The following RFX4 variants were observed in gnomAD, a reference collection of about 807,000 sequenced individuals.
RFX4 encodes transcription factor RFX4.
RFX4 carries 10 observed loss-of-function variants against 95.0 expected under a neutral mutation model. The observed-to-expected ratio is 0.11, with a 90% CI of 0.06 to 0.18. The LOEUF (loss-of-function observed/expected upper bound fraction) is 0.18, where lower values mean the gene tolerates loss of function less well. Ranked by LOEUF, RFX4 falls within the 10% of genes least tolerant of loss-of-function variation. The pLI is 1.00. For missense variants in RFX4, 640 were observed against 922.0 expected (o/e 0.69, Z 3.96); for synonymous variants, 321 against 340.7 (o/e 0.94, Z 0.64).
chr12:106,712,811 G>C (rs2042217258), intron 10 of RFX4, among the ~76,000 whole-genome samples: 1 of 152,198 alleles, frequency 6.6e-6, no homozygotes, highest in Non-Finnish European at 1.5e-5. Context: ...TATTTCTGAG[G>C]ATGCATGCCA....
At chr12:106,750,831 T>C in intron 17 of RFX4, 38 bp downstream of exon 17, 1 of 1,490,952 alleles carries the variant, frequency 6.7e-7, no homozygotes, top group Admixed American at 2.3e-5. Flanking sequence ...CAGGCCTTGG[T>C]ATACTTGGTG....
chr12:106,711,101 T>G (rs1440313887), intron 9 of RFX4, among the ~76,000 whole-genome samples: 1 of 152,230 alleles, frequency 6.6e-6, no homozygotes, highest in Non-Finnish European at 1.5e-5. Flanking sequence ...CCTGCAATTA[T>G]TTACGGGGAG....
chr12:106,681,972 G>A, intron 4 of RFX4, 21 bp from the exon 5 acceptor site: 1 of 1,614,006 alleles, frequency 6.2e-7, no homozygotes, highest in East Asian at 2.2e-5. Flanking sequence ...ATGGGTAACT[G>A]ATTCTTGTGT....
chr12:106,586,946 C>T lies in RFX4; in HGVS notation c.43+3583C>T, dbSNP rs1196003890. ...TCCGAGCCTTGCTCCAGCGCCCAAACCAGACAGTCTCGCCCTCCCCGGGCG... is the reference window on the plus strand; with the variant it reads ...TCCGAGCCTTGCTCCAGCGCCCAAATCAGACAGTCTCGCCCTCCCCGGGCG... On this transcript the variant is annotated intron_variant, in intron 1 of 17. Transcript: ENST00000392842. This position sits in a 1 kb window ranked among gnomAD's most constrained non-coding sequence, Gnocchi z 5.6. 6.6e-6 allele frequency among the ~76,000 whole-genome samples: 1 copy of T among 152,208 alleles called. No homozygotes were observed. The highest frequency in any genetic ancestry group is 1.5e-5 in the Non-Finnish European group (1 of 68,034).
intron 4 of RFX4, among the ~76,000 whole-genome samples, chr12:106,673,667 C>T (rs1426831774): frequency 2.0e-5 from 3 of 152,124 alleles, no homozygotes; most frequent in Admixed American, 1.3e-4. Context: ...GAAACTATCA[C>T]GAGGAGGAAA....
chr12:106,588,121 A>AT lies in RFX4; in HGVS notation c.43+4759dup, dbSNP rs1489417900. On this transcript the variant is annotated intron_variant, in intron 1 of 17. Transcript: ENST00000392842. ...AGCAATATATGAGCTGGTTACCACT[A>AT]TCTGAAATATGACCCACTGCACAAT... Among the ~76,000 whole-genome samples the AT allele has an allele frequency of 2.6e-5, 4 of 152,216 alleles. No individual in the cohort carries two copies. The East Asian group carries it at 7.7e-4, about 29-fold the overall frequency.
At chr12:106,675,307 T>C (rs1194909169) in intron 4 of RFX4, among the ~76,000 whole-genome samples, 1 of 152,130 alleles carries the variant, frequency 6.6e-6, no homozygotes, top group Non-Finnish European at 1.5e-5. Flanking sequence ...GGTGTATGCC[T>C]GTAATCGCAG....
At position 106,686,421 on chromosome 12, in the gene RFX4, A is replaced by G. The variant is rs1346722613; in HGVS notation, c.378-463A>G. On this transcript the variant is annotated intron_variant, in intron 5 of 17. Transcript: ENST00000392842. Reference sequence around the variant, plus strand: ...AGCGAGACTCTGTCTCAAAAAAAAAAAAAAAGAAAAAGAAAGAAAAAAGAA... The same window carrying G: ...AGCGAGACTCTGTCTCAAAAAAAAAGAAAAAGAAAAAGAAAGAAAAAAGAA... Among the ~76,000 whole-genome samples, 4 of 151,944 alleles carry G rather than the reference A, an allele frequency of 2.6e-5. 1 individual carries two copies. The highest frequency in any genetic ancestry group is 1.3e-4 in the Admixed American group (2 of 15,262).
chr12:106,727,910 C>T (rs1046406676), intron 13 of RFX4, among the ~76,000 whole-genome samples: 6 of 152,200 alleles, frequency 3.9e-5, no homozygotes, highest in African/African-American at 4.8e-5. Context: ...TGAGCCACCG[C>T]GCCCGGCCCT....
At chr12:106,657,110 G>A (rs900159802) in intron 4 of RFX4, among the ~76,000 whole-genome samples, 1 of 152,174 alleles carries the variant, frequency 6.6e-6, no homozygotes, top group African/African-American at 2.4e-5. Flanking sequence ...CTTTCCTGAG[G>A]ACTCCAGCAT....
At chr12:106,588,721 A>T (rs762986699) in intron 1 of RFX4, among the ~76,000 whole-genome samples, 4 of 152,200 alleles carry the variant, frequency 2.6e-5, no homozygotes, top group Admixed American at 1.3e-4. Context: ...CCTCTCAATT[A>T]TATGCCTGTG....
intron 4 of RFX4, among the ~76,000 whole-genome samples, chr12:106,666,426 C>A (rs888251394): frequency 6.6e-6 from 1 of 151,980 alleles, no homozygotes; most frequent in African/African-American, 2.4e-5. Flanking sequence ...GTTCTCTTAG[C>A]TTTCTGAATC....
rs201207625 is a variant in RFX4 at position 106,687,062 on chromosome 12, G to A, written c.556G>A (p.Asp186Asn). The change falls in exon 6 of 18, where the codon GAT becomes AAT. Residue 186 changes from aspartate to asparagine, a missense_variant. Transcript: ENST00000392842. ...GCTGCCAGAATTTCCCAATGTCAAA[G>A]ATCTAAATCTGCCAGCCAGCCTGCC... ...TLLPEFPNVK[D>N]LNLPASLPEE... The A allele has an allele frequency of 3.1e-6, 5 of 1,613,864 alleles. No homozygotes were observed. In the East Asian group the frequency reaches 1.1e-4, roughly 36 times the overall value.
At chr12:106,629,333 T>C (rs1446235679) in intron 2 of RFX4, among the ~76,000 whole-genome samples, 2 of 152,198 alleles carry the variant, frequency 1.3e-5, no homozygotes, top group Non-Finnish European at 2.9e-5. Flanking sequence ...TGTGTATGCA[T>C]CGTTTCGGAT....
intron 1 of RFX4, among the ~76,000 whole-genome samples, chr12:106,596,769 C>T (rs958392140): frequency 6.6e-6 from 1 of 152,200 alleles, no homozygotes; most frequent in Non-Finnish European, 1.5e-5. Flanking sequence ...GGAGCTTTTC[C>T]TTTTTCAAGA....
chr12:106,591,300 C>A (rs1156402928), intron 1 of RFX4, among the ~76,000 whole-genome samples: 1 of 118,332 alleles, frequency 8.5e-6, no homozygotes, highest in Admixed American at 1.1e-4. Context: ...CGGAGTCTTG[C>A]ACTGTCACCC....
At position 106,637,962 on chromosome 12, in the gene RFX4, CTTA is replaced by C. The variant is rs1366198305; in HGVS notation, c.131-1366_131-1364del. On this transcript the variant is annotated intron_variant, in intron 2 of 17. Transcript: ENST00000392842. ...CACCCCCAAAATTAATTTAATTCTT[CTTA>C]TTAATAGACATATATTACAAATATT... is the stretch of plus-strand genomic sequence containing the variant. Among the ~76,000 whole-genome samples the C allele has an allele frequency of 2.6e-5, 4 of 151,996 alleles. No homozygotes were observed. The South Asian group carries it at 6.2e-4, about 24-fold the overall frequency.
chr12:106,732,006 A>G, intron 13 of RFX4, 124 bp from the exon 14 acceptor site: 5 of 1,366,610 alleles, frequency 3.7e-6, no homozygotes, highest in Non-Finnish European at 5.0e-6. Flanking sequence ...ATCATAATTG[A>G]GTGGAAAATT....
Position 106,720,328 on chromosome 12 carries a change from AT to A in RFX4, c.1233+276del. ...TGCTGCTACAAACAAAACAAAAACC[AT>A]TGCTCCATAGCATTGACTTTGAAGA... is the stretch of plus-strand genomic sequence containing the variant. On this transcript the variant is annotated intron_variant, in intron 12 of 17. Transcript: ENST00000392842. This position sits in a 1 kb window ranked among gnomAD's most constrained non-coding sequence, Gnocchi z 4.2. Among the ~76,000 whole-genome samples the A allele has an allele frequency of 6.6e-6, 1 of 152,318 alleles. No homozygotes were observed. Among genetic ancestry groups the A allele is most frequent in the African/African-American group, 2.4e-5 (1 of 41,566 alleles).
Sources: allele counts gnomAD v4.1 joint callset (sites outside exome capture counted in the v4.1 genomes callset), GRCh38; gene constraint gnomAD v4.1.1; non-coding constraint Gnocchi (gnomAD v3.1); transcripts MANE v1.5; gene names NCBI Gene and HGNC (gene_info 2026-07-23, HGNC 2026-07-21).